Variants in DCAF17 observed in about 807,000 individuals in gnomAD.
DCAF17 encodes the protein DDB1- and CUL4-associated factor 17.
A neutral mutation model predicts 66.0 loss-of-function variants in DCAF17; 48 were observed. The observed-to-expected ratio is 0.73, with a 90% CI of 0.58 to 0.92. DCAF17 has a LOEUF of 0.92. Ranked by LOEUF, DCAF17 falls within the 40% of genes least tolerant of loss-of-function variation. DCAF17 has a pLI of 0.00. For synonymous variants in DCAF17, 206 were observed against 214.6 expected (o/e 0.96, Z 0.35); for missense variants, 562 against 622.8 (o/e 0.90, Z 1.04).
At chr2:171,464,514 G>T (rs1695781918) in intron 8 of DCAF17, among the ~76,000 whole-genome samples, 1 of 151,970 alleles carries the variant, frequency 6.6e-6, no homozygotes, top group African/African-American at 2.4e-5. Context: ...TTGAATTTAG[G>T]TCCTATCCTT....
At chr2:171,457,608 G>T (rs953468428) in intron 6 of DCAF17, among the ~76,000 whole-genome samples, 1 of 152,210 alleles carries the variant, frequency 6.6e-6, no homozygotes, top group Non-Finnish European at 1.5e-5. Context: ...GGAAGAGTAT[G>T]AATAGTAGAT....
chr2:171,448,904 C>A, intron 4 of DCAF17, 87 bp downstream of exon 4: 1 of 1,257,512 alleles, frequency 8.0e-7, no homozygotes. Context: ...TTTTCCCTGT[C>A]AGTTTTCTAA....
chr2:171,477,688 A>G (rs1459586659), intron 11 of DCAF17, among the ~76,000 whole-genome samples: 1 of 152,054 alleles, frequency 6.6e-6, no homozygotes, highest in African/African-American at 2.4e-5. Flanking sequence ...GCTACTGGGG[A>G]GGCTGAGCTG....
chr2:171,460,953 A>G (rs576555512), intron 8 of DCAF17, among the ~76,000 whole-genome samples: 14 of 152,266 alleles, frequency 9.2e-5, no homozygotes, highest in African/African-American at 3.4e-4. Context: ...TAATTCAATG[A>G]TTTTTGTATG....
chr2:171,473,149 T>A (rs1696338221), intron 9 of DCAF17, among the ~76,000 whole-genome samples: 1 of 152,214 alleles, frequency 6.6e-6, no homozygotes, highest in Non-Finnish European at 1.5e-5. Context: ...TAGGTTTGTT[T>A]ACATGTTCAT....
At chr2:171,462,102 G>A (rs1045006365) in intron 8 of DCAF17, among the ~76,000 whole-genome samples, 6 of 152,160 alleles carry the variant, frequency 3.9e-5, no homozygotes, top group Non-Finnish European at 1.5e-5. Context: ...TTAAATAATA[G>A]ATGGATCAAA....
chr2:171,480,304 C>A, intron 13 of DCAF17, 111 bp downstream of exon 13: 3 of 1,367,898 alleles, frequency 2.2e-6, no homozygotes, highest in Non-Finnish European at 1.0e-6. Flanking sequence ...ATGCCAATGA[C>A]CATGTGAAAG....
At chr2:171,477,309 C>T (rs1408611642) in intron 11 of DCAF17, among the ~76,000 whole-genome samples, 1 of 152,128 alleles carries the variant, frequency 6.6e-6, no homozygotes, top group Non-Finnish European at 1.5e-5. Flanking sequence ...CCAGATGGTA[C>T]TTTTCTTTTA....
At chr2:171,471,395 A>G (rs1696236639) in intron 9 of DCAF17, among the ~76,000 whole-genome samples, 1 of 152,218 alleles carries the variant, frequency 6.6e-6, no homozygotes, top group Non-Finnish European at 1.5e-5. Flanking sequence ...GAAGCTGATA[A>G]TAAGCTGCCC....
chr2:171,455,156 T>C (rs1157522466), intron 6 of DCAF17, among the ~76,000 whole-genome samples: 1 of 147,520 alleles, frequency 6.8e-6, no homozygotes, highest in Admixed American at 6.7e-5. Context: ...CACCCTCCGA[T>C]AGGCCCGAGT....
chr2:171,480,216 AAAGTTG>A (rs1696678720), intron 13 of DCAF17, 23 bp downstream of exon 13: 1 of 1,611,464 alleles, frequency 6.2e-7, no homozygotes. Flanking sequence ...CGTGGGATAC[AAAGTTG>A]TAAACCTTTC....
At position 171,434,632 on chromosome 2, in the gene DCAF17, G is replaced by A; in HGVS notation, c.55G>A (p.Gly19Ser). 1 of 1,533,012 alleles carries A rather than the reference G, an allele frequency of 6.5e-7. No individual in the cohort carries two copies. Among genetic ancestry groups the A allele is most frequent in the Non-Finnish European group, 8.7e-7 (1 of 1,147,776 alleles). The allele number at this position is 1,533,012 out of a possible 1,614,324, so 95.0% of individuals were successfully genotyped here. A position where few individuals can be genotyped will look rare whatever the true frequency, so the allele number is the denominator to read the frequency against. ...VCSRLSRRALGCFSRDAGVVQ... is the reference protein window; with the variant it reads ...VCSRLSRRALSCFSRDAGVVQ... Reference sequence around the variant, plus strand: ...CAGCCGGCTGAGTCGCCGGGCGCTGGGCTGCTTCTCGCGCGACGCAGGCGT... The same window carrying A: ...CAGCCGGCTGAGTCGCCGGGCGCTGAGCTGCTTCTCGCGCGACGCAGGCGT... Residue 19 changes from glycine (G) to serine (S), a missense_variant, in exon 1 of 14, where the codon GGC becomes AGC. Gly to Ser is a moderately conservative substitution (Grantham distance 56). Transcript: ENST00000375255.
intron 3 of DCAF17, among the ~76,000 whole-genome samples, chr2:171,444,003 A>G (rs974008355): frequency 2.0e-5 from 3 of 152,192 alleles, no homozygotes; most frequent in Non-Finnish European, 4.4e-5. Context: ...ACGTGTTAGG[A>G]AAATAATAAA....
chr2:171,447,513 G>GC, intron 3 of DCAF17: 1 of 176,370 alleles, frequency 5.7e-6, no homozygotes, highest in East Asian at 1.8e-4. Context: ...GGCAAGCACC[G>GC]CAACGCCCAG....
intron 8 of DCAF17, among the ~76,000 whole-genome samples, chr2:171,460,395 G>T (rs923993150): frequency 4.6e-5 from 7 of 150,984 alleles, no homozygotes; most frequent in African/African-American, 1.5e-4. Context: ...AGAGCCTGAA[G>T]AATTGACCTG....
chr2:171,479,162 T>G (rs10177689), intron 12 of DCAF17, among the ~76,000 whole-genome samples: 8,661 of 152,176 alleles, frequency 0.057, 284 homozygotes, highest in African/African-American at 0.075. Context: ...CCATATAAAT[T>G]TTTATGTCTT....
intron 4 of DCAF17, 26 bp downstream of exon 4, chr2:171,448,843 A>G (rs1574340344): frequency 1.3e-6 from 2 of 1,599,036 alleles, no homozygotes; most frequent in African/African-American, 1.3e-5. Context: ...TTATTATTCA[A>G]GATTTTATTT....
rs1340161774 is a variant in DCAF17, at chr2:171,484,868, A to T, written c.*3754A>T. ...AAATGTAATGCTTCTTTCACTTAGC[A>T]TAATGTTTTTGAGATTTATTCATGT... On this transcript the variant is annotated 3_prime_UTR_variant, in exon 14 of 14. Coordinates refer to ENST00000375255, the MANE Select transcript of DCAF17 (RefSeq NM_025000.4). 1.1e-5 allele frequency: 5 copies of T among 453,932 alleles called. No homozygotes were observed. Among genetic ancestry groups the T allele is most frequent in the Non-Finnish European group, 1.8e-5 (4 of 226,728 alleles). 28.1% of individuals were successfully genotyped at this position (453,932 alleles called of 1,614,324 possible). A position where few individuals can be genotyped will look rare whatever the true frequency, so the allele number is the denominator to read the frequency against.
intron 3 of DCAF17, among the ~76,000 whole-genome samples, chr2:171,447,016 T>G (rs1694663959): frequency 6.6e-6 from 1 of 152,180 alleles, no homozygotes; most frequent in South Asian, 2.1e-4. Context: ...CTCGGACAGT[T>G]AATTTCAGCT....
Sources: allele counts gnomAD v4.1 joint callset (sites outside exome capture counted in the v4.1 genomes callset), GRCh38; gene constraint gnomAD v4.1.1; transcripts MANE v1.5; gene names NCBI Gene and HGNC (gene_info 2026-07-23, HGNC 2026-07-21).